SIN3A: variants seen among roughly 807,000 people sequenced by gnomAD.
SIN3A encodes paired amphipathic helix protein Sin3a.
SIN3A carries 14 observed loss-of-function variants against 146.1 expected under a neutral mutation model. That is an observed-to-expected ratio of 0.10 (90% CI 0.06 to 0.15). SIN3A has a LOEUF of 0.15. SIN3A is among the 10% of genes least tolerant of loss of function. The probability of loss-of-function intolerance (pLI) is 1.00; values close to 1 mark genes in which losing one functional copy is unlikely to be tolerated. For missense variants in SIN3A, 1,028 were observed against 1,576.0 expected, an observed-to-expected ratio of 0.65 and a Z score of 5.89; for synonymous variants, 572 against 572.0, an observed-to-expected ratio of 1.00 and a Z score of 0.00.
upstream of SIN3A, among the ~76,000 whole-genome samples, chr15:75,454,468 T>C (rs1413535413): frequency 6.6e-6 from 1 of 150,588 alleles, no homozygotes; most frequent in Non-Finnish European, 1.5e-5. Context: ...CTGCGCCGCC[T>C]CTCCCGGCGT....
chr15:75,439,699 C>A (rs1274036152), intron 1 of SIN3A, among the ~76,000 whole-genome samples: 1 of 151,864 alleles, frequency 6.6e-6, no homozygotes, highest in Non-Finnish European at 1.5e-5. Context: ...TATACCATTA[C>A]GCATTGGCCA....
intron 1 of SIN3A, among the ~76,000 whole-genome samples, chr15:75,432,081 A>G (rs2074022451): frequency 6.6e-6 from 1 of 152,218 alleles, no homozygotes; most frequent in Admixed American, 6.5e-5. Flanking sequence ...AAAATGTCTT[A>G]GCTAGTTATG....
chr15:75,432,957 G>A (rs2074038733), intron 1 of SIN3A, among the ~76,000 whole-genome samples: 1 of 152,034 alleles, frequency 6.6e-6, no homozygotes, highest in Non-Finnish European at 1.5e-5. Flanking sequence ...CGGGAGAATC[G>A]CTTGAACCTG....
intron 1 of SIN3A, among the ~76,000 whole-genome samples, chr15:75,432,876 C>T (rs960701427): frequency 2.1e-4 from 32 of 151,832 alleles, no homozygotes; most frequent in Admixed American, 2.0e-3. Flanking sequence ...AACCCAGTCT[C>T]TACTAAAAAT....
chr15:75,373,575 G>C (rs1251099057), intron 20 of SIN3A, among the ~76,000 whole-genome samples: 1 of 151,958 alleles, frequency 6.6e-6, no homozygotes, highest in Non-Finnish European at 1.5e-5. Flanking sequence ...TCTTGCTTAT[G>C]ACTTAACATT....
At chr15:75,387,451 G>A (rs1468532131) in intron 16 of SIN3A, among the ~76,000 whole-genome samples, 1 of 146,314 alleles carries the variant, frequency 6.8e-6, no homozygotes, top group African/African-American at 2.5e-5. Flanking sequence ...ACAGTGAGCT[G>A]ATCACACCAC....
In SIN3A at chr15:75,389,636, TC is replaced by T; in HGVS notation, c.3021+15del. On this transcript the variant is annotated intron_variant, in intron 16 of 20. Coordinates refer to ENST00000394947, the MANE Select transcript of SIN3A (RefSeq NM_001145358.2). ...ATTTCTTCCCTTACTCACCCTAGCC[TC>T]CTCCATGCCCTCACCTGTCTGACAA... 6.2e-7 allele frequency: 1 copy of T among 1,613,662 alleles called. No individual in the cohort carries two copies. The highest frequency in any genetic ancestry group is 8.5e-7 in the Non-Finnish European group (1 of 1,179,736).
intron 3 of SIN3A, chr15:75,420,667 G>A (rs995534302): frequency 6.6e-6 from 1 of 152,138 alleles, no homozygotes; most frequent in East Asian, 1.9e-4. Context: ...GATTACAGGT[G>A]TAAGCCACCA....
intron 9 of SIN3A, among the ~76,000 whole-genome samples, chr15:75,406,609 C>A (rs897315203): frequency 7.9e-5 from 12 of 152,076 alleles, no homozygotes; most frequent in African/African-American, 2.9e-4. Context: ...ATGGCGTGAA[C>A]CCCAGGAGGC....
At chr15:75,379,158 A>G (rs879858901) in intron 19 of SIN3A, among the ~76,000 whole-genome samples, 2 of 152,210 alleles carry the variant, frequency 1.3e-5, no homozygotes, top group African/African-American at 4.8e-5. Context: ...TCGGCCTCCC[A>G]AAGTGCTGGA....
intron 19 of SIN3A, among the ~76,000 whole-genome samples, chr15:75,379,640 G>A (rs931574813): frequency 1.3e-5 from 2 of 152,150 alleles, no homozygotes; most frequent in Non-Finnish European, 2.9e-5. Context: ...CTTTTTGCTG[G>A]TATCTCTTTT....
At chr15:75,450,522 G>A (rs985067678) in intron 1 of SIN3A, among the ~76,000 whole-genome samples, 1 of 152,134 alleles carries the variant, frequency 6.6e-6, no homozygotes, top group African/African-American at 2.4e-5. Flanking sequence ...CACCAGCCAC[G>A]CACGCTCCTA....
In SIN3A at chr15:75,409,916, G is replaced by C; in HGVS notation, c.1237C>G (p.Leu413Val). The C allele has an allele frequency of 6.2e-7, 1 of 1,614,036 alleles. No individual in the cohort carries two copies. Residue 413 changes from leucine to valine, a missense_variant, in exon 8 of 21, where the codon CTG (leucine) becomes GTG (valine). Leu to Val is a conservative substitution (Grantham distance 32). Around this residue, in one of 9 missense-constraint regions of SIN3A, gnomAD observed 62 missense variants for 63.5 expected, o/e 0.98. Transcript: ENST00000394947. ...CTGGGCCTCTGCGGCTTGTTGTTCAGTTGGGGCTTCTTGACAGTGCCTCCA... is the reference window on the plus strand; with the variant it reads ...CTGGGCCTCTGCGGCTTGTTGTTCACTTGGGGCTTCTTGACAGTGCCTCCA... ...DHGGTVKKPQ[L>V]NNKPQRPSQN...
intron 8 of SIN3A, among the ~76,000 whole-genome samples, chr15:75,408,517 T>C (rs1051962147): frequency 2.6e-5 from 4 of 152,234 alleles, no homozygotes; most frequent in Admixed American, 6.5e-5. Flanking sequence ...TATTACATAC[T>C]GCTTTGAAAT....
intron 16 of SIN3A, among the ~76,000 whole-genome samples, chr15:75,387,500 G>C (rs1395566258): frequency 1.3e-5 from 1 of 75,338 alleles, no homozygotes; most frequent in Non-Finnish European, 2.3e-5. Flanking sequence ...ACCCTGGGTT[G>C]GAAAAAAAAA....
At chr15:75,376,550 C>T (rs1217025283) in intron 19 of SIN3A, among the ~76,000 whole-genome samples, 2 of 152,150 alleles carry the variant, frequency 1.3e-5, no homozygotes, top group African/African-American at 2.4e-5. Context: ...TATATTGTTT[C>T]TCATAACTTG....
intron 1 of SIN3A, among the ~76,000 whole-genome samples, chr15:75,442,056 G>A (rs959033801): frequency 7.7e-6 from 1 of 129,530 alleles, no homozygotes; most frequent in African/African-American, 2.9e-5. Context: ...GGAGGCAGAG[G>A]TTGCAGTGAG....
intron 10 of SIN3A, 27 bp downstream of exon 10, chr15:75,401,825 C>T: frequency 7.4e-7 from 1 of 1,342,354 alleles, no homozygotes; most frequent in Non-Finnish European, 1.1e-6. Context: ...TATCATGCAT[C>T]AGGGCTAAGC....
At chr15:75,374,453 G>A (rs1226429634) in intron 20 of SIN3A, among the ~76,000 whole-genome samples, 4 of 152,184 alleles carry the variant, frequency 2.6e-5, no homozygotes, top group Non-Finnish European at 5.9e-5. Context: ...AGTACGGGTG[G>A]CCCCCACATC....
Sources: gnomAD v4.1 joint callset for allele counts (sites outside exome capture counted in the v4.1 genomes callset) on GRCh38, gnomAD v4.1.1 for gene constraint, gnomAD v4.1.1 regional missense constraint, MANE v1.5 for transcripts, NCBI Gene and HGNC (gene_info 2026-07-23, HGNC 2026-07-21) for gene names.